Variants in TPTE2 observed in about 807,000 individuals in gnomAD.
TPTE2 encodes transmembrane phosphoinositide 3-phosphatase and tensin homolog 2.
Under a neutral mutation model 78.6 loss-of-function variants are expected in TPTE2, and 53 were observed. The ratio of observed to expected loss-of-function variants is 0.67; its 90% CI spans 0.54 to 0.85. The LOEUF is 0.85. Ranked by LOEUF, TPTE2 falls within the 40% of genes least tolerant of loss-of-function variation. TPTE2 has a pLI of 0.00. For missense variants in TPTE2, 461 were observed against 623.0 expected (o/e 0.74, Z 2.77); for synonymous variants, 175 against 206.2 (o/e 0.85, Z 1.30).
intron 3 of TPTE2, among the ~76,000 whole-genome samples, chr13:19,487,760 C>G (rs1475988743): frequency 6.6e-6 from 1 of 152,180 alleles, no homozygotes; most frequent in Non-Finnish European, 1.5e-5. Flanking sequence ...GGAGGGCACA[C>G]TCAAGAGATG....
chr13:19,559,415 G>T, the TPTE2 span, among the ~76,000 whole-genome samples: 1 of 152,088 alleles, frequency 6.6e-6, no homozygotes, highest in African/African-American at 2.4e-5. Flanking sequence ...TAGTGTTATT[G>T]TTCTGCAGGG....
chr13:19,493,488 C>T (rs140148307), exon 2 of TPTE2: 18 of 1,613,544 alleles, frequency 1.1e-5, no homozygotes, highest in Non-Finnish European at 1.5e-5. Context: ...CCTTTAAATT[C>T]GTTTGTCTGT....
intron 1 of TPTE2, 77 bp from the exon 5 acceptor site, chr13:19,493,578 T>C (rs1189986886): frequency 1.5e-6 from 2 of 1,303,770 alleles, no homozygotes; most frequent in Non-Finnish European, 2.2e-6. Flanking sequence ...TACCTTTCAT[T>C]ACTCTAGACA....
At chr13:19,443,577 A>AT (rs1877626644) in intron 13 of TPTE2, among the ~76,000 whole-genome samples, 1 of 151,718 alleles carries the variant, frequency 6.6e-6, no homozygotes, top group Non-Finnish European at 1.5e-5. Context: ...AAATTTTTGT[A>AT]TTTTTTAGTA....
At chr13:19,527,673 C>A (rs1474048841) in intron 1 of TPTE2, among the ~76,000 whole-genome samples, 5 of 151,876 alleles carry the variant, frequency 3.3e-5, no homozygotes, top group Admixed American at 1.3e-4. Flanking sequence ...TCAAGAGTTC[C>A]AGACCAGCCT....
chr13:19,449,469 T>C (rs931041341), intron 13 of TPTE2, among the ~76,000 whole-genome samples: 1 of 152,150 alleles, frequency 6.6e-6, no homozygotes, highest in Non-Finnish European at 1.5e-5. Flanking sequence ...ATGCAAAATT[T>C]CAGTTAGACA....
chr13:19,467,917 C>T (rs1465673306), intron 6 of TPTE2, among the ~76,000 whole-genome samples: 1 of 149,766 alleles, frequency 6.7e-6, no homozygotes, highest in Non-Finnish European at 1.5e-5. Flanking sequence ...TTTAGAGCCC[C>T]ATAATAAGTG....
intron 13 of TPTE2, among the ~76,000 whole-genome samples, chr13:19,439,374 CA>C (rs1415591912): frequency 6.6e-6 from 1 of 151,762 alleles, no homozygotes; most frequent in African/African-American, 2.4e-5. Context: ...CCCTACCCAG[CA>C]TGCTCTACAG....
chr13:19,455,126 T>A (rs1467788676), intron 10 of TPTE2, among the ~76,000 whole-genome samples: 2 of 152,204 alleles, frequency 1.3e-5, no homozygotes, highest in African/African-American at 2.4e-5. Flanking sequence ...GGTAGAGTCA[T>A]GTCTTAGCCA....
chr13:19,560,494 A>G, the TPTE2 span: 1 of 1,591,662 alleles, frequency 6.3e-7, no homozygotes, highest in African/African-American at 1.3e-5. Context: ...CTCCATTCAT[A>G]CTCTCTGCAG....
the TPTE2 span, chr13:19,560,426 C>A: frequency 1.9e-6 from 3 of 1,608,838 alleles, no homozygotes; most frequent in Admixed American, 1.7e-5. Context: ...AAGTCCTCAG[C>A]GAAGGCCAAC....
At chr13:19,451,808 AGTGTGT>A (rs201672341) in intron 10 of TPTE2, among the ~76,000 whole-genome samples, 2,146 of 134,912 alleles carry the variant, frequency 0.016, 21 homozygotes, top group Non-Finnish European at 0.02. Context: ...TGTACCTATA[AGTGTGT>A]GTGTGTGTGT....
intron 14 of TPTE2, among the ~76,000 whole-genome samples, chr13:19,437,038 GAC>G (rs376691875): frequency 1.7e-4 from 25 of 145,998 alleles, no homozygotes; most frequent in South Asian, 1.6e-3. Context: ...AAACCTAGGA[GAC>G]ACACACACAC....
At chr13:19,467,196 T>G (rs765596971) in intron 7 of TPTE2, 29 bp downstream of exon 10, 2 of 1,549,494 alleles carry the variant, frequency 1.3e-6, no homozygotes, top group East Asian at 2.3e-5. Context: ...ATGAAAAACT[T>G]TAAGAGAGGT....
At chr13:19,533,042 A>C (rs983495933) in intron 1 of TPTE2, among the ~76,000 whole-genome samples, 8 of 152,232 alleles carry the variant, frequency 5.3e-5, no homozygotes, top group African/African-American at 1.9e-4. Flanking sequence ...TAAATGCTTA[A>C]CAAATTAATG....
intron 6 of TPTE2, among the ~76,000 whole-genome samples, chr13:19,472,910 A>C (rs1030948858): frequency 2.0e-5 from 3 of 152,216 alleles, no homozygotes; most frequent in Admixed American, 2.0e-4. Context: ...TATCTGCTCT[A>C]GGCGGCACCC....
upstream of TPTE2, among the ~76,000 whole-genome samples, chr13:19,540,687 TTTA>T (rs869070941): frequency 2.0e-5 from 3 of 152,062 alleles, no homozygotes; most frequent in Non-Finnish European, 4.4e-5. Context: ...TTGCATATAT[TTTA>T]TTAAGATTTT....
intron 4 of TPTE2, among the ~76,000 whole-genome samples, chr13:19,476,030 A>T (rs1468035279): frequency 2.6e-5 from 4 of 152,188 alleles, no homozygotes; most frequent in Non-Finnish European, 5.9e-5. Context: ...ACTGCAATAA[A>T]ATAAGGTGTT....
At chr13:19,423,424 T>A (rs1333227843) in intron 19 of TPTE2, among the ~76,000 whole-genome samples, 1 of 152,226 alleles carries the variant, frequency 6.6e-6, no homozygotes, top group Non-Finnish European at 1.5e-5. Context: ...CCAAGTTTAA[T>A]AAAATATCTA....
Sources: gnomAD v4.1 joint callset for allele counts (sites outside exome capture counted in the v4.1 genomes callset) on GRCh38, gnomAD v4.1.1 for gene constraint, MANE v1.5 for transcripts, NCBI Gene and HGNC (gene_info 2026-07-23, HGNC 2026-07-21) for gene names.